Variants in IQCM observed in about 807,000 individuals in gnomAD.
IQCM encodes the protein IQ motif containing M.
A neutral mutation model predicts 57.6 loss-of-function variants in IQCM; 45 were observed. That is an observed-to-expected ratio of 0.78 (90% CI 0.62 to 1.00). The LOEUF (loss-of-function observed/expected upper bound fraction) is 1.00, where lower values mean the gene tolerates loss of function less well. Ranked by LOEUF, IQCM falls within the 50% of genes least tolerant of loss-of-function variation. The pLI, the probability that IQCM is intolerant of heterozygous loss-of-function variation, is 0.00. For synonymous variants in IQCM, 148 were observed against 158.9 expected, an observed-to-expected ratio of 0.93 and a Z score of 0.51; for missense variants, 468 against 511.6, an observed-to-expected ratio of 0.91 and a Z score of 0.82.
At chr4:149,679,137 C>T (rs1163924074) in intron 7 of IQCM, among the ~76,000 whole-genome samples, 1 of 151,488 alleles carries the variant, frequency 6.6e-6, no homozygotes, top group Non-Finnish European at 1.5e-5. Context: ...ACATATGTGC[C>T]CATCAACAGA....
chr4:149,628,019 T>A (rs1186223323), intron 7 of IQCM, among the ~76,000 whole-genome samples: 2 of 152,212 alleles, frequency 1.3e-5, no homozygotes, highest in African/African-American at 4.8e-5. Flanking sequence ...TGGAAGGAAC[T>A]AGTCCTGCTG....
chr4:149,581,577 T>C (rs139181234), intron 9 of IQCM, among the ~76,000 whole-genome samples: 278 of 151,738 alleles, frequency 1.8e-3, no homozygotes, highest in Non-Finnish European at 2.8e-3. Context: ...GGGGTTTGTC[T>C]CTTTTTCAGA....
chr4:149,600,574 C>A (rs1268300490), intron 8 of IQCM, among the ~76,000 whole-genome samples: 2 of 152,072 alleles, frequency 1.3e-5, no homozygotes, highest in African/African-American at 4.8e-5. Context: ...AGAAAAGATC[C>A]AGTGATTTTC....
At chr4:149,622,936 A>G (rs1223099126) in intron 7 of IQCM, among the ~76,000 whole-genome samples, 1 of 152,210 alleles carries the variant, frequency 6.6e-6, no homozygotes, top group Non-Finnish European at 1.5e-5. Flanking sequence ...GGCAAGGACT[A>G]TAACTTACCT....
chr4:149,801,117 C>T (rs923108516), intron 2 of IQCM, among the ~76,000 whole-genome samples: 1 of 151,784 alleles, frequency 6.6e-6, no homozygotes, highest in Non-Finnish European at 1.5e-5. Context: ...ATACAAATGA[C>T]AAACAGGCAT....
At chr4:149,494,652 A>C (rs1237778369) in intron 12 of IQCM, among the ~76,000 whole-genome samples, 1 of 152,118 alleles carries the variant, frequency 6.6e-6, no homozygotes, top group African/African-American at 2.4e-5. Flanking sequence ...GTAGGCCTTA[A>C]GGTAGTAAGA....
At chr4:149,352,677 C>T (rs996029916) in intron 13 of IQCM, among the ~76,000 whole-genome samples, 5 of 152,148 alleles carry the variant, frequency 3.3e-5, no homozygotes, top group African/African-American at 1.2e-4. Context: ...AAATTAGATG[C>T]AACACGTTTG....
intron 13 of IQCM, 68 bp downstream of exon 13, chr4:149,433,328 A>C: frequency 1.5e-6 from 1 of 663,694 alleles, no homozygotes; most frequent in Non-Finnish European, 2.1e-6. Flanking sequence ...TGATGAATAC[A>C]GTTATATATT....
intron 8 of IQCM, among the ~76,000 whole-genome samples, chr4:149,615,733 A>G (rs1755736101): frequency 6.6e-6 from 1 of 152,182 alleles, no homozygotes. Flanking sequence ...AAGACTAACT[A>G]AGTTGTAAAG....
chr4:149,738,290 G>A (rs1002271385), intron 3 of IQCM, among the ~76,000 whole-genome samples: 9 of 152,154 alleles, frequency 5.9e-5, no homozygotes, highest in Admixed American at 2.6e-4. Flanking sequence ...GGTGAGATAC[G>A]CACGTTTCCC....
At chr4:149,603,808 G>A (rs888502285) in intron 8 of IQCM, among the ~76,000 whole-genome samples, 1 of 151,770 alleles carries the variant, frequency 6.6e-6, no homozygotes, top group Admixed American at 6.6e-5. Flanking sequence ...ACAGCAAAAT[G>A]TAGACAACAT....
At chr4:149,392,130 T>TC (rs1165848955) in intron 13 of IQCM, among the ~76,000 whole-genome samples, 1 of 151,792 alleles carries the variant, frequency 6.6e-6, no homozygotes, top group Non-Finnish European at 1.5e-5. Flanking sequence ...TGTCAGTTTT[T>TC]TTTTTTTTCA....
intron 12 of IQCM, among the ~76,000 whole-genome samples, chr4:149,494,875 T>A (rs72726113): frequency 0.22 from 32,987 of 152,020 alleles, 4,486 homozygotes; most frequent in Non-Finnish European, 0.29. Flanking sequence ...GACTTATGTG[T>A]CTTAAAGGTT....
chr4:149,808,603 A>G (rs1395004949), intron 2 of IQCM, among the ~76,000 whole-genome samples: 1 of 152,178 alleles, frequency 6.6e-6, no homozygotes, highest in Non-Finnish European at 1.5e-5. Flanking sequence ...GGATATCTCA[A>G]TTACCTTGAT....
chr4:149,676,190 C>T (rs1761734219), intron 7 of IQCM, among the ~76,000 whole-genome samples: 2 of 152,042 alleles, frequency 1.3e-5, no homozygotes, highest in East Asian at 3.9e-4. Context: ...AGGTCTCTAG[C>T]AGGATAACAG....
At chr4:149,467,971 A>G (rs1478532772) in intron 12 of IQCM, among the ~76,000 whole-genome samples, 1 of 152,196 alleles carries the variant, frequency 6.6e-6, no homozygotes, top group East Asian at 1.9e-4. Context: ...AATGAAAAAT[A>G]TCTGTTATTG....
At position 149,695,520 on chromosome 4, in the gene IQCM, A is replaced by G. The variant is rs117346088; in HGVS notation, c.386-9052T>C. ...AGGAATAATGTTATTGAGGTAATAA[A>G]TGCAGACTCCCTTTTCAAGAGTTAT... On this transcript the variant is annotated intron_variant, in intron 5 of 13. Transcript: ENST00000636793. 1.3e-3 allele frequency among the ~76,000 whole-genome samples: 199 copies of G among 152,310 alleles called. 8 individuals carry two copies. In the East Asian group the frequency reaches 0.037, roughly 28 times the overall value.
chr4:149,454,801 T>C (rs182196295), intron 12 of IQCM, among the ~76,000 whole-genome samples: 1 of 151,994 alleles, frequency 6.6e-6, no homozygotes, highest in Admixed American at 6.6e-5. Context: ...AATAGGCAAA[T>C]TCATAGAGGC....
At position 149,582,357 on chromosome 4, in the gene IQCM, T is replaced by A. The variant is rs181081862; in HGVS notation, c.749+5573A>T. Among the ~76,000 whole-genome samples, 5 of 51,356 alleles carry A rather than the reference T, an allele frequency of 9.7e-5. No individual in the cohort carries two copies. The South Asian group carries it at 2.2e-3, about 22-fold the overall frequency. The allele number at this position is 51,356 out of a possible 152,430, so 33.7% of individuals were successfully genotyped here. A position where few individuals can be genotyped will look rare whatever the true frequency, so the allele number is the denominator to read the frequency against. ...ATATATATATATATATATATATATA[T>A]ATATATATATATTTAGTTGAAATAG... On this transcript the variant is annotated intron_variant, in intron 9 of 13. Transcript: ENST00000636793.
Sources: allele counts gnomAD v4.1 joint callset (sites outside exome capture counted in the v4.1 genomes callset), GRCh38; gene constraint gnomAD v4.1.1; transcripts MANE v1.5; gene names NCBI Gene and HGNC (gene_info 2026-07-23, HGNC 2026-07-21).